RFX3: variants seen among roughly 807,000 people sequenced by gnomAD.
The protein encoded by RFX3 is regulatory factor X3.
A neutral mutation model predicts 98.6 loss-of-function variants in RFX3; 14 were observed. That is an observed-to-expected ratio of 0.14 (90% CI 0.09 to 0.22). The LOEUF is 0.22. Among genes scored for constraint, RFX3 ranks in the 10% least tolerant of loss-of-function variants. The pLI, the probability that RFX3 is intolerant of heterozygous loss-of-function variation, is 1.00. For missense variants in RFX3, 639 were observed against 926.9 expected (o/e 0.69, Z 4.03); for synonymous variants, 383 against 328.4 (o/e 1.17, Z -1.80).
At chr9:3,315,560 C>G (rs1289968062) in intron 4 of RFX3, among the ~76,000 whole-genome samples, 1 of 151,922 alleles carries the variant, frequency 6.6e-6, no homozygotes, top group Non-Finnish European at 1.5e-5. Context: ...ACAAAAAAAC[C>G]CTTCAAAAAA....
chr9:3,424,548 G>C (rs1040711773), intron 1 of RFX3, among the ~76,000 whole-genome samples: 3 of 151,180 alleles, frequency 2.0e-5, no homozygotes, highest in Admixed American at 6.6e-5. Flanking sequence ...TTTTAGTAGA[G>C]ACGGGGCTTC....
chr9:3,326,022 C>T (rs185236258), intron 4 of RFX3, among the ~76,000 whole-genome samples: 11 of 152,090 alleles, frequency 7.2e-5, no homozygotes, highest in East Asian at 3.9e-4. Flanking sequence ...ATATTCAGGT[C>T]GCAACTTAGC....
intron 2 of RFX3, among the ~76,000 whole-genome samples, chr9:3,386,347 A>G (rs2000216): frequency 0.3 from 45,369 of 151,946 alleles, 8,685 homozygotes; most frequent in African/African-American, 0.54. Context: ...AATAATAAAC[A>G]TATTAAAGGC....
At chr9:3,485,575 T>C (rs193113201) in intron 1 of RFX3, among the ~76,000 whole-genome samples, 1 of 152,326 alleles carries the variant, frequency 6.6e-6, no homozygotes, top group African/African-American at 2.4e-5. Flanking sequence ...TCAATTATTT[T>C]TAAAGTGTAC....
chr9:3,331,652 A>G (rs1587114756), intron 3 of RFX3, among the ~76,000 whole-genome samples: 1 of 151,866 alleles, frequency 6.6e-6, no homozygotes. Context: ...TTTGCTTTTT[A>G]CCATAACCTC....
At chr9:3,333,902 T>G (rs745537519) in intron 3 of RFX3, among the ~76,000 whole-genome samples, 20 of 152,186 alleles carry the variant, frequency 1.3e-4, no homozygotes, top group Non-Finnish European at 2.4e-4. Context: ...CTATTCTATG[T>G]GCTTTTTAGG....
At chr9:3,451,137 T>C (rs906904455) in intron 1 of RFX3, among the ~76,000 whole-genome samples, 4 of 152,134 alleles carry the variant, frequency 2.6e-5, no homozygotes, top group East Asian at 1.9e-4. Flanking sequence ...TAAAGAGATA[T>C]AGAAGTCAAC....
At chr9:3,480,547 G>A (rs552341697) in intron 1 of RFX3, among the ~76,000 whole-genome samples, 51 of 152,254 alleles carry the variant, frequency 3.3e-4, no homozygotes, top group African/African-American at 1.1e-3. Flanking sequence ...AAAACATTCA[G>A]GCCAATGTTC....
chr9:3,248,985 T>C (rs1448461743), intron 14 of RFX3, among the ~76,000 whole-genome samples: 3 of 152,168 alleles, frequency 2.0e-5, no homozygotes, highest in Non-Finnish European at 4.4e-5. Context: ...AGCTTGTTCA[T>C]GCACTTCAAA....
At chr9:3,479,817 C>G (rs1022414339) in intron 1 of RFX3, among the ~76,000 whole-genome samples, 4 of 152,172 alleles carry the variant, frequency 2.6e-5, no homozygotes, top group Non-Finnish European at 4.4e-5. Flanking sequence ...AGATACTTGA[C>G]TTAGGAGGCA....
chr9:3,422,043 C>T (rs1843490703), intron 1 of RFX3, among the ~76,000 whole-genome samples: 1 of 151,918 alleles, frequency 6.6e-6, no homozygotes, highest in Non-Finnish European at 1.5e-5. Context: ...ATAAGGAGAC[C>T]TGATTTGTTC....
intron 1 of RFX3, among the ~76,000 whole-genome samples, chr9:3,503,516 T>A (rs565454028): frequency 8.5e-5 from 13 of 152,144 alleles, no homozygotes; most frequent in African/African-American, 2.7e-4. Context: ...TGCTGAATAT[T>A]TGACACCAAA....
chr9:3,423,926 C>G (rs1034694592), intron 1 of RFX3, among the ~76,000 whole-genome samples: 1 of 150,912 alleles, frequency 6.6e-6, no homozygotes, highest in Non-Finnish European at 1.5e-5. Flanking sequence ...GGCGGGGGGA[C>G]CACAAGGTCA....
intron 1 of RFX3, among the ~76,000 whole-genome samples, chr9:3,505,465 A>T (rs1380697564): frequency 1.4e-5 from 2 of 143,122 alleles, no homozygotes; most frequent in Non-Finnish European, 3.1e-5. Flanking sequence ...TATAAAATAA[A>T]ATATTTTATA....
chr9:3,459,501 T>C (rs145749080), intron 1 of RFX3, among the ~76,000 whole-genome samples: 45 of 152,236 alleles, frequency 3.0e-4, no homozygotes, highest in African/African-American at 9.4e-4. Context: ...TCCTCTATTA[T>C]GAAGACACTG....
chr9:3,266,482 A>C (rs1823645942), intron 11 of RFX3, among the ~76,000 whole-genome samples, 177 bp from the exon 12 acceptor site: 1 of 152,034 alleles, frequency 6.6e-6, no homozygotes, highest in South Asian at 2.1e-4. Flanking sequence ...TCCAAGAATT[A>C]TATTTTGGGC....
At chr9:3,403,498 G>A (rs908549344) in intron 1 of RFX3, among the ~76,000 whole-genome samples, 1 of 152,146 alleles carries the variant, frequency 6.6e-6, no homozygotes, top group African/African-American at 2.4e-5. Context: ...TGATGACAGT[G>A]ATTAATGCTG....
rs925875024 is a variant in RFX3, at chr9:3,354,795, G to A, written c.118-8031C>T. 4.0e-5 allele frequency among the ~76,000 whole-genome samples: 6 copies of A among 151,570 alleles called. No individual in the cohort carries two copies. The South Asian group carries it at 1.2e-3, about 31-fold the overall frequency. On this transcript the variant is annotated intron_variant, in intron 2 of 16. Coordinates refer to ENST00000617270, the MANE Select transcript of RFX3 (RefSeq NM_001282116.2). ...AACATCAGAAATAATAAATTTTTAG[G>A]TAAGTTATAGGGATTTTTTGTTTTC... is the stretch of plus-strand genomic sequence containing the variant.
At chr9:3,286,005 G>T (rs546671067) in intron 7 of RFX3, among the ~76,000 whole-genome samples, 6 of 151,770 alleles carry the variant, frequency 4.0e-5, no homozygotes, top group Non-Finnish European at 8.8e-5. Context: ...AAGCTTGCTA[G>T]AATTCCTGGC....
Sources: allele counts gnomAD v4.1 joint callset (sites outside exome capture counted in the v4.1 genomes callset), GRCh38; gene constraint gnomAD v4.1.1; transcripts MANE v1.5; gene names NCBI Gene and HGNC (gene_info 2026-07-23, HGNC 2026-07-21).